Variants in SQOR observed in about 807,000 individuals in gnomAD.
SQOR encodes sulfide:quinone oxidoreductase, mitochondrial.
In SQOR, 39 loss-of-function variants were observed where a neutral mutation model predicts 48.6. That is an observed-to-expected ratio of 0.80 (90% CI 0.62 to 1.05). SQOR has a LOEUF of 1.05. Among genes scored for constraint, SQOR ranks in the 50% least tolerant of loss-of-function variants. SQOR has a pLI of 0.00. For missense variants in SQOR, 561 were observed against 559.9 expected (o/e 1.00, Z -0.02); for synonymous variants, 220 against 206.2 (o/e 1.07, Z -0.57).
intron 1 of SQOR, among the ~76,000 whole-genome samples, chr15:45,656,078 G>C (rs1889604518): frequency 6.6e-6 from 1 of 151,854 alleles, no homozygotes; most frequent in African/African-American, 2.4e-5. Flanking sequence ...AGATAGTATG[G>C]TGTAGTGGTT....
At chr15:45,673,573 T>G (rs745403487) in intron 4 of SQOR, 34 bp from the exon 5 acceptor site, 1 of 1,599,870 alleles carries the variant, frequency 6.3e-7, no homozygotes, top group Admixed American at 1.7e-5. Context: ...ATTTGCACTT[T>G]TGTTTAAAAT....
intron 1 of SQOR, among the ~76,000 whole-genome samples, chr15:45,638,502 C>A (rs957881645): frequency 6.6e-6 from 1 of 152,070 alleles, no homozygotes; most frequent in Non-Finnish European, 1.5e-5. Context: ...GTAAGCAGAT[C>A]GCTTGAGGCT....
At chr15:45,686,502 C>T (rs1403636731) in intron 7 of SQOR, among the ~76,000 whole-genome samples, 2 of 152,180 alleles carry the variant, frequency 1.3e-5, no homozygotes, top group Non-Finnish European at 1.5e-5. Flanking sequence ...TTGTGACCCT[C>T]ACCCATTCTA....
rs756201981 is a variant in SQOR, at chr15:45,659,085, C to T, written c.162C>T (p.Gly54=). 5.0e-5 allele frequency: 79 copies of T among 1,591,950 alleles called. No homozygotes were observed. In the East Asian group the frequency reaches 1.2e-3, roughly 23 times the overall value. Residue 54 remains glycine (G), a synonymous_variant, in exon 2 of 10, where the codon GGC becomes GGT. Transcript: ENST00000260324. The part of the protein sequence containing the change: ...YEVLVLGGGS[G]GITMAARMKR... ...TGCTGGTGCTGGGTGGGGGCAGTGGCGGAATCACCATGGCTGCCCGCATGA... is the reference window on the plus strand; with the variant it reads ...TGCTGGTGCTGGGTGGGGGCAGTGGTGGAATCACCATGGCTGCCCGCATGA...
Position 45,658,954 on chromosome 15 carries a change from C to A in SQOR, c.31C>A (p.Pro11Thr). The change falls in exon 2 of 10, where the codon CCC becomes ACC. Residue 11 changes from proline to threonine, a missense_variant. Coordinates refer to ENST00000260324, the MANE Select transcript of SQOR (RefSeq NM_021199.4). MVPLVAVVSGPRAQLFACLLR... is the reference protein window; with the variant it reads MVPLVAVVSGTRAQLFACLLR... ...GCCACTGGTGGCTGTGGTATCAGGG[C>A]CCCGTGCCCAGCTCTTTGCCTGCCT... 6.3e-7 allele frequency: 1 copy of A among 1,575,056 alleles called. No individual in the cohort carries two copies.
chr15:45,633,236 T>A (rs565875581), upstream of SQOR, among the ~76,000 whole-genome samples: 5 of 152,336 alleles, frequency 3.3e-5, no homozygotes, highest in African/African-American at 9.6e-5. Context: ...AAAAACCATT[T>A]TTTTGGTAAA....
At chr15:45,635,681 CTT>C (rs1486190346) in intron 1 of SQOR, among the ~76,000 whole-genome samples, 2 of 152,208 alleles carry the variant, frequency 1.3e-5, no homozygotes, top group African/African-American at 2.4e-5. Flanking sequence ...TCATCTGTCT[CTT>C]TTATTTATCA....
intron 3 of SQOR, among the ~76,000 whole-genome samples, chr15:45,666,785 C>CTCT (rs1889827148): frequency 1.5e-5 from 1 of 66,928 alleles, no homozygotes; most frequent in Non-Finnish European, 3.0e-5. Context: ...CCCTCCCCTC[C>CTCT]CCTTCTCTCC....
intron 1 of SQOR, among the ~76,000 whole-genome samples, chr15:45,652,018 C>T (rs1040846964): frequency 4.6e-5 from 7 of 151,576 alleles, no homozygotes; most frequent in South Asian, 2.1e-4. Flanking sequence ...GCCTCCCAAG[C>T]GTGTGCCACC....
At chr15:45,635,455 G>C (rs908833534) in intron 1 of SQOR, among the ~76,000 whole-genome samples, 2 of 152,174 alleles carry the variant, frequency 1.3e-5, no homozygotes, top group African/African-American at 2.4e-5. Context: ...ACTGTCACTC[G>C]GCACCGTCCT....
intron 1 of SQOR, among the ~76,000 whole-genome samples, chr15:45,656,483 G>C (rs1197398427): frequency 6.6e-6 from 1 of 151,470 alleles, no homozygotes; most frequent in East Asian, 2.0e-4. Flanking sequence ...ATAGAGTTGG[G>C]GTTTCCCCAT....
intron 1 of SQOR, among the ~76,000 whole-genome samples, chr15:45,656,904 A>C (rs1889621404): frequency 6.6e-6 from 1 of 151,890 alleles, no homozygotes; most frequent in African/African-American, 2.4e-5. Context: ...TCCTGGGTTC[A>C]AGCAATTCTC....
chr15:45,651,564 C>G (rs904058432), intron 1 of SQOR, among the ~76,000 whole-genome samples: 1 of 152,254 alleles, frequency 6.6e-6, no homozygotes, highest in Non-Finnish European at 1.5e-5. Flanking sequence ...ACGCTGTCAC[C>G]TCTCACTACC....
intron 1 of SQOR, among the ~76,000 whole-genome samples, chr15:45,637,416 C>T (rs1441819951): frequency 1.3e-5 from 2 of 152,182 alleles, no homozygotes; most frequent in African/African-American, 2.4e-5. Flanking sequence ...ATTTGTATCC[C>T]TCCCAAGCTT....
intron 1 of SQOR, among the ~76,000 whole-genome samples, chr15:45,649,499 A>G (rs890342024): frequency 1.3e-5 from 2 of 152,184 alleles, no homozygotes; most frequent in Non-Finnish European, 2.9e-5. Flanking sequence ...TTTTTGAGAC[A>G]GAGTCTTGCT....
intron 1 of SQOR, among the ~76,000 whole-genome samples, chr15:45,636,731 T>A (rs1163831221): frequency 1.3e-5 from 2 of 152,216 alleles, no homozygotes; most frequent in Non-Finnish European, 2.9e-5. Flanking sequence ...GGTGACAAAG[T>A]CTTAGTATTG....
intron 6 of SQOR, 60 bp from the exon 7 acceptor site, chr15:45,682,418 G>A (rs554137033): frequency 1.3e-6 from 2 of 1,574,182 alleles, no homozygotes; most frequent in South Asian, 1.2e-5. Flanking sequence ...TAGGGGGAGA[G>A]CTTGTGGAGC....
At chr15:45,673,847 TA>T in intron 5 of SQOR, 46 bp downstream of exon 5, 1 of 1,570,986 alleles carries the variant, frequency 6.4e-7, no homozygotes, top group African/African-American at 1.4e-5. Context: ...CGGACAGTGC[TA>T]ATTCACTGAT....
At chr15:45,676,372 A>ATGGGGGCTCACAC (rs1890037414) in intron 6 of SQOR, 62 bp downstream of exon 6, 1 of 1,498,998 alleles carries the variant, frequency 6.7e-7, no homozygotes, top group African/African-American at 1.4e-5. Flanking sequence ...CCATAGATAC[A>ATGGGGGCTCACAC]TGGGGGCTCA....
Sources: gnomAD v4.1 joint callset for allele counts (sites outside exome capture counted in the v4.1 genomes callset) on GRCh38, gnomAD v4.1.1 for gene constraint, MANE v1.5 for transcripts, NCBI Gene and HGNC (gene_info 2026-07-23, HGNC 2026-07-21) for gene names.